The following SDK1 variants were observed in gnomAD, a reference collection of about 807,000 sequenced individuals.
The protein encoded by SDK1 is sidekick cell adhesion molecule 1.
Under a neutral mutation model 245.5 loss-of-function variants are expected in SDK1, and 157 were observed. That is an observed-to-expected ratio of 0.64 (90% confidence interval 0.56 to 0.73). The LOEUF (loss-of-function observed/expected upper bound fraction) is 0.73. SDK1 is among the 30% of genes least tolerant of loss of function. The pLI is 0.00. For synonymous variants in SDK1, 1,647 were observed against 1,278.5 expected, an observed-to-expected ratio of 1.29 and a Z score of -6.15; for missense variants, 3,583 against 3,002.3, an observed-to-expected ratio of 1.19 and a Z score of -4.52.
At chr7:3,541,057 A>C (rs1234892254) in intron 1 of SDK1, among the ~76,000 whole-genome samples, 1 of 152,208 alleles carries the variant, frequency 6.6e-6, no homozygotes, top group Non-Finnish European at 1.5e-5. Flanking sequence ...AAAGTGTCTC[A>C]AACATTTGAC....
intron 4 of SDK1, among the ~76,000 whole-genome samples, chr7:3,746,618 G>A (rs1179037494): frequency 2.6e-5 from 4 of 152,240 alleles, no homozygotes; most frequent in African/African-American, 9.6e-5. Context: ...TCCACCAGGA[G>A]TAGGTTCCAT....
chr7:4,216,994 G>A (rs953877069), intron 38 of SDK1, among the ~76,000 whole-genome samples: 4 of 144,336 alleles, frequency 2.8e-5, no homozygotes, highest in African/African-American at 7.8e-5. Context: ...CACACCACCC[G>A]GAGCACCAGG....
At chr7:3,336,742 T>TA (rs1246591902) in intron 1 of SDK1, among the ~76,000 whole-genome samples, 2 of 152,176 alleles carry the variant, frequency 1.3e-5, no homozygotes, top group African/African-American at 4.8e-5. Context: ...TAGCTGATCT[T>TA]ACACAGAGGC....
At chr7:3,961,609 C>A (rs536433939) in intron 8 of SDK1, among the ~76,000 whole-genome samples, 2 of 152,296 alleles carry the variant, frequency 1.3e-5, no homozygotes, top group South Asian at 4.1e-4. Flanking sequence ...TGGAATACCT[C>A]TTGTGCCTCC....
At chr7:4,105,313 C>T (rs1211222212) in intron 22 of SDK1, among the ~76,000 whole-genome samples, 5 of 146,724 alleles carry the variant, frequency 3.4e-5, no homozygotes, top group Admixed American at 1.4e-4. Context: ...TTTGTTTGTT[C>T]GTTTGTTTGT....
At chr7:3,316,618 C>A (rs1779668463) in intron 1 of SDK1, among the ~76,000 whole-genome samples, 1 of 152,188 alleles carries the variant, frequency 6.6e-6, no homozygotes, top group South Asian at 2.1e-4. Flanking sequence ...GTGCTTGGAT[C>A]ACAGAAATGT....
intron 2 of SDK1, among the ~76,000 whole-genome samples, chr7:3,631,548 T>C (rs1695339210): frequency 6.6e-6 from 1 of 152,228 alleles, no homozygotes; most frequent in Non-Finnish European, 1.5e-5. Context: ...CTATCTTATT[T>C]AATTTAGATC....
At chr7:3,823,238 A>C (rs1373254784) in intron 5 of SDK1, among the ~76,000 whole-genome samples, 2 of 152,208 alleles carry the variant, frequency 1.3e-5, no homozygotes, top group African/African-American at 4.8e-5. Context: ...TGTATTATCA[A>C]ATAGATTGTT....
chr7:3,650,898 CTGT>C (rs377736341), intron 4 of SDK1, among the ~76,000 whole-genome samples: 74 of 149,284 alleles, frequency 5.0e-4, no homozygotes, highest in Middle Eastern at 3.4e-3. Flanking sequence ...AGTTGGTTTC[CTGT>C]TGTTGTTGTC....
At chr7:3,724,998 G>A (rs111647633) in intron 4 of SDK1, among the ~76,000 whole-genome samples, 2,039 of 152,328 alleles carry the variant, frequency 0.013, 39 homozygotes, top group Non-Finnish European at 0.013. Flanking sequence ...TGCCTCAGAG[G>A]CCTTCTTAAG....
rs374689562 is a variant in SDK1, at chr7:3,411,239, C to T, written c.298+109355C>T. ...TAGTTTCTGCATTTACGGACAAAAGCGCTTCCAAAAGTACATAAGGGTTGA... is the reference window on the plus strand; with the variant it reads ...TAGTTTCTGCATTTACGGACAAAAGTGCTTCCAAAAGTACATAAGGGTTGA... On this transcript the variant is annotated intron_variant, in intron 1 of 44. Transcript: ENST00000404826. Among the ~76,000 whole-genome samples the T allele has an allele frequency of 8.2e-4, 125 of 152,176 alleles. 1 individual carries two copies. The highest frequency in any genetic ancestry group is 2.6e-3 in the African/African-American group (110 of 41,522).
chr7:3,455,347 T>C (rs1780636967), intron 1 of SDK1, among the ~76,000 whole-genome samples: 1 of 151,962 alleles, frequency 6.6e-6, no homozygotes, highest in South Asian at 2.1e-4. Flanking sequence ...CTAAGAACTC[T>C]TTACCTACCA....
At chr7:3,586,704 CAAAAAA>C (rs57309941) in intron 1 of SDK1, among the ~76,000 whole-genome samples, 1 of 82,186 alleles carries the variant, frequency 1.2e-5, no homozygotes, top group Non-Finnish European at 2.5e-5. Flanking sequence ...GACTCCGTCT[CAAAAAA>C]AAAAAAAAAA....
intron 5 of SDK1, among the ~76,000 whole-genome samples, chr7:3,938,188 C>T (rs1780227288): frequency 6.6e-6 from 1 of 152,208 alleles, no homozygotes. Flanking sequence ...TGGCTGGTTA[C>T]ATTCTCAGCA....
intron 2 of SDK1, among the ~76,000 whole-genome samples, chr7:3,636,242 C>A (rs117199043): frequency 6.6e-6 from 1 of 152,126 alleles, no homozygotes; most frequent in African/African-American, 2.4e-5. Context: ...AAAACTTACC[C>A]TCTTAGTAAA....
intron 1 of SDK1, among the ~76,000 whole-genome samples, chr7:3,342,167 T>A (rs1200640378): frequency 6.6e-6 from 1 of 152,120 alleles, no homozygotes; most frequent in Non-Finnish European, 1.5e-5. Flanking sequence ...CAACAAATGG[T>A]GTTGGAGCAG....
chr7:4,018,752 T>G (rs933593372), intron 17 of SDK1, among the ~76,000 whole-genome samples: 8 of 152,186 alleles, frequency 5.3e-5, no homozygotes, highest in Non-Finnish European at 1.2e-4. Flanking sequence ...TGGCTTTTAT[T>G]CAGTTGGCAG....
At chr7:3,891,983 G>C (rs1466523972) in intron 5 of SDK1, among the ~76,000 whole-genome samples, 1 of 152,082 alleles carries the variant, frequency 6.6e-6, no homozygotes, top group African/African-American at 2.4e-5. Context: ...GCAAGATTCT[G>C]TTTTGAAAAC....
At chr7:3,828,843 G>C (rs140213813) in intron 5 of SDK1, among the ~76,000 whole-genome samples, 1 of 151,000 alleles carries the variant, frequency 6.6e-6, no homozygotes, top group East Asian at 1.9e-4. Flanking sequence ...TTTTTTTGTA[G>C]AGACAGTCTG....
Sources: gnomAD v4.1 joint callset for allele counts (sites outside exome capture counted in the v4.1 genomes callset) on GRCh38, gnomAD v4.1.1 for gene constraint, MANE v1.5 for transcripts, NCBI Gene and HGNC (gene_info 2026-07-23, HGNC 2026-07-21) for gene names.